Variants in GSTCD observed in about 807,000 individuals in gnomAD.
GSTCD encodes the protein glutathione S-transferase C-terminal domain containing, also known as glutathione S-transferase C-terminal domain-containing protein.
Under a neutral mutation model 68.3 loss-of-function variants are expected in GSTCD, and 44 were observed. That is an observed-to-expected ratio of 0.64 (90% CI 0.51 to 0.83). The LOEUF (loss-of-function observed/expected upper bound fraction) is 0.83. GSTCD is among the 40% of genes least tolerant of loss of function. The pLI, the probability that GSTCD is intolerant of heterozygous loss-of-function variation, is 0.00. For synonymous variants in GSTCD, 273 were observed against 255.2 expected, an observed-to-expected ratio of 1.07 and a Z score of -0.67; for missense variants, 739 against 735.9, an observed-to-expected ratio of 1.00 and a Z score of -0.05.
chr4:105,746,848 A>G (rs1048884167), intron 5 of GSTCD, among the ~76,000 whole-genome samples: 6 of 152,256 alleles, frequency 3.9e-5, no homozygotes, highest in African/African-American at 7.2e-5. Context: ...ATATAAAACA[A>G]GGTAGTGATG....
Position 105,837,886 on chromosome 4 carries a change from C to T in GSTCD, c.1692C>T (p.Tyr564=). ...AACAATTCAAGAAAACTTTATCATA[C>T]AAGGTAACCTTAAAAAGATCTAGAT... ...KSEQFKKTLS[Y]KEHMILCRFA... is the part of the protein sequence containing the mutation. The change falls in exon 10 of 12, where the codon TAC becomes TAT. Residue 564 remains tyrosine (Y), a synonymous_variant. Transcript: ENST00000515279. The T allele has an allele frequency of 9.2e-7, 1 of 1,092,600 alleles. No individual in the cohort carries two copies. The allele number at this position is 1,092,600 out of a possible 1,614,324, so 67.7% of individuals were successfully genotyped here. A position where few individuals can be genotyped will look rare whatever the true frequency, so the allele number is the denominator to read the frequency against.
intron 5 of GSTCD, among the ~76,000 whole-genome samples, chr4:105,769,709 C>T (rs999193440): frequency 6.6e-6 from 1 of 151,876 alleles, no homozygotes; most frequent in African/African-American, 2.4e-5. Flanking sequence ...ACATTTTTTA[C>T]CCCTGATTTT....
intron 10 of GSTCD, among the ~76,000 whole-genome samples, chr4:105,841,197 G>A (rs1291011314): frequency 2.0e-5 from 3 of 151,524 alleles, no homozygotes; most frequent in South Asian, 2.1e-4. Context: ...GGTGGCGTGC[G>A]CCTGTAGTGC....
chr4:105,808,814 C>T (rs1347420882), intron 5 of GSTCD, among the ~76,000 whole-genome samples: 1 of 152,078 alleles, frequency 6.6e-6, no homozygotes, highest in Non-Finnish European at 1.5e-5. Context: ...GGCACAATCC[C>T]ACTGCGTTCT....
chr4:105,767,194 A>G (rs1005484176), intron 5 of GSTCD, among the ~76,000 whole-genome samples: 3 of 152,086 alleles, frequency 2.0e-5, no homozygotes, highest in Non-Finnish European at 4.4e-5. Context: ...CTTTATTTGA[A>G]TAGGGTTTGA....
At chr4:105,836,259 G>T (rs1488360890) in intron 9 of GSTCD, among the ~76,000 whole-genome samples, 2 of 152,240 alleles carry the variant, frequency 1.3e-5, no homozygotes, top group East Asian at 3.9e-4. Flanking sequence ...TCCATTGTCT[G>T]CCTAAGTCTG....
Position 105,845,461 on chromosome 4 carries a change from G to A in GSTCD, c.1786G>A (p.Val596Met). The change falls in exon 12 of 12, where the codon GTG becomes ATG. Residue 596 changes from valine to methionine, a missense_variant. By Grantham distance (21) the Val-to-Met change is conservative. Transcript: ENST00000515279. ...RLIGKQCMCLVDLDRARAAEE... is the reference protein window; with the variant it reads ...RLIGKQCMCLMDLDRARAAEE... ...TTCAGGAAAACAGTGCATGTGCTTG[G>A]TGGATCTGGATCGAGCAAGAGCTGC... 1 of 1,614,138 alleles carries A rather than the reference G, an allele frequency of 6.2e-7. No homozygotes were observed. Among genetic ancestry groups the A allele is most frequent in the South Asian group, 1.1e-5 (1 of 91,080 alleles).
chr4:105,741,763 C>A (rs1298413617), intron 5 of GSTCD, among the ~76,000 whole-genome samples: 1 of 152,014 alleles, frequency 6.6e-6, no homozygotes, highest in Non-Finnish European at 1.5e-5. Flanking sequence ...ATCTTGTTTT[C>A]ATAATATTAT....
intron 9 of GSTCD, among the ~76,000 whole-genome samples, chr4:105,837,394 A>G (rs1395225773): frequency 2.0e-5 from 3 of 151,844 alleles, no homozygotes; most frequent in African/African-American, 7.3e-5. Context: ...TGCTTACCTC[A>G]CCTTTTTCTT....
chr4:105,736,496 A>G (rs1733468641), intron 5 of GSTCD, among the ~76,000 whole-genome samples: 1 of 151,998 alleles, frequency 6.6e-6, no homozygotes, highest in African/African-American at 2.4e-5. Context: ...AATTGTGCAT[A>G]TTTTTGGGGA....
At chr4:105,841,214 C>T (rs958020456) in intron 10 of GSTCD, among the ~76,000 whole-genome samples, 1 of 151,752 alleles carries the variant, frequency 6.6e-6, no homozygotes, top group African/African-American at 2.4e-5. Flanking sequence ...GTGCCAGCTA[C>T]TCAGGAGGCT....
intron 11 of GSTCD, among the ~76,000 whole-genome samples, chr4:105,843,290 C>T (rs1349837397): frequency 1.3e-5 from 2 of 152,196 alleles, no homozygotes; most frequent in Non-Finnish European, 2.9e-5. Context: ...AGAACTCATT[C>T]TCTCTTGCCT....
rs1368863249 is a variant in GSTCD at position 105,846,587 on chromosome 4, C to T, written c.*1010C>T. 2.0e-5 allele frequency: 3 copies of T among 149,350 alleles called. No individual in the cohort carries two copies. Among genetic ancestry groups the T allele is most frequent in the Non-Finnish European group, 4.4e-5 (3 of 67,554 alleles). 9.3% of individuals were successfully genotyped at this position (149,350 alleles called of 1,614,324 possible). ...ACCTTGGCCTAGTTTCTTTTCAATT[C>T]AAAGATGAGTTGCAAAAGACATAAT... On this transcript the variant is annotated 3_prime_UTR_variant, in exon 12 of 12. Coordinates refer to ENST00000515279, the MANE Select transcript of GSTCD (RefSeq NM_001370181.1).
intron 10 of GSTCD, among the ~76,000 whole-genome samples, chr4:105,841,311 A>G (rs1188568152): frequency 6.6e-6 from 1 of 151,376 alleles, no homozygotes; most frequent in Non-Finnish European, 1.5e-5. Flanking sequence ...ACAACAGAGC[A>G]AAACTCCGTC....
At chr4:105,819,881 TAAA>T (rs900203692) in intron 5 of GSTCD, among the ~76,000 whole-genome samples, 1 of 147,942 alleles carries the variant, frequency 6.8e-6, no homozygotes, top group Non-Finnish European at 1.5e-5. Context: ...GTCTCCATAT[TAAA>T]AAAAAAACAC....
At chr4:105,757,829 G>A (rs1172986965) in intron 5 of GSTCD, among the ~76,000 whole-genome samples, 1 of 152,140 alleles carries the variant, frequency 6.6e-6, no homozygotes, top group Non-Finnish European at 1.5e-5. Flanking sequence ...TATAGAATAT[G>A]AAGGTTATAG....
chr4:105,748,485 A>G (rs183943624), intron 5 of GSTCD, among the ~76,000 whole-genome samples: 1 of 152,318 alleles, frequency 6.6e-6, no homozygotes, highest in Non-Finnish European at 1.5e-5. Flanking sequence ...GAAATTCTCA[A>G]TACGCATTTT....
chr4:105,772,386 T>A (rs1734885597), intron 5 of GSTCD, among the ~76,000 whole-genome samples: 1 of 152,200 alleles, frequency 6.6e-6, no homozygotes, highest in Non-Finnish European at 1.5e-5. Flanking sequence ...TGACCAGAAC[T>A]TCCAATATTA....
chr4:105,833,412 G>A (rs955205005), intron 8 of GSTCD, among the ~76,000 whole-genome samples: 9 of 151,846 alleles, frequency 5.9e-5, no homozygotes, highest in South Asian at 4.2e-4. Context: ...GCAGTGAGCC[G>A]AGGTTGTGCC....
Sources: gnomAD v4.1 joint callset for allele counts (sites outside exome capture counted in the v4.1 genomes callset) on GRCh38, gnomAD v4.1.1 for gene constraint, MANE v1.5 for transcripts, NCBI Gene and HGNC (gene_info 2026-07-23, HGNC 2026-07-21) for gene names.